The following MGAT4C variants were observed in gnomAD, a reference collection of about 807,000 sequenced individuals.
MGAT4C encodes the protein alpha-1,3-mannosyl-glycoprotein 4-beta-N-acetylglucosaminyltransferase C.
Under a neutral mutation model 40.1 loss-of-function variants are expected in MGAT4C, and 19 were observed. The observed-to-expected ratio is 0.47, with a 90% CI of 0.33 to 0.70. MGAT4C has a LOEUF of 0.70. Ranked by LOEUF, MGAT4C falls within the 30% of genes least tolerant of loss-of-function variation. The pLI is 0.02. For missense variants in MGAT4C, 491 were observed against 563.2 expected, an observed-to-expected ratio of 0.87 and a Z score of 1.30; for synonymous variants, 181 against 187.1, an observed-to-expected ratio of 0.97 and a Z score of 0.27.
At chr12:86,556,508 GT>G (rs141110132) in intron 2 of MGAT4C, among the ~76,000 whole-genome samples, 4,715 of 152,118 alleles carry the variant, frequency 0.031, 125 homozygotes, top group African/African-American at 0.074. Flanking sequence ...AATGTTTAGG[GT>G]TTTTGTGTAA....
intron 2 of MGAT4C, among the ~76,000 whole-genome samples, chr12:86,612,481 G>A (rs1019255818): frequency 2.0e-5 from 3 of 152,058 alleles, no homozygotes; most frequent in Admixed American, 1.3e-4. Flanking sequence ...CAGGCGCGGT[G>A]GCTCAAGCCT....
At chr12:86,576,090 G>A (rs1246174781) in intron 2 of MGAT4C, among the ~76,000 whole-genome samples, 3 of 151,890 alleles carry the variant, frequency 2.0e-5, no homozygotes, top group Non-Finnish European at 4.4e-5. Context: ...TTGATGCTAA[G>A]CATCTTTTTA....
intron 1 of MGAT4C, among the ~76,000 whole-genome samples, chr12:86,820,791 A>G (rs1420916016): frequency 6.6e-6 from 1 of 150,842 alleles, no homozygotes; most frequent in East Asian, 1.9e-4. Context: ...GAGGAAATAG[A>G]TATATAATGT....
chr12:86,445,014 G>T (rs916397747), intron 2 of MGAT4C, among the ~76,000 whole-genome samples: 1 of 152,150 alleles, frequency 6.6e-6, no homozygotes, highest in Non-Finnish European at 1.5e-5. Context: ...CTGTTGCCTG[G>T]GAACCAGAAA....
intron 2 of MGAT4C, among the ~76,000 whole-genome samples, chr12:86,664,826 A>G (rs1964064985): frequency 6.6e-6 from 1 of 152,200 alleles, no homozygotes; most frequent in Non-Finnish European, 1.5e-5. Context: ...TTGACATTTT[A>G]GTTAACTGTA....
At chr12:86,634,717 C>T (rs994618876) in intron 2 of MGAT4C, among the ~76,000 whole-genome samples, 2 of 152,084 alleles carry the variant, frequency 1.3e-5, no homozygotes, top group Admixed American at 1.3e-4. Flanking sequence ...CACGGGTCTT[C>T]TATTAATAAG....
chr12:86,292,646 C>T (rs1040884669), intron 4 of MGAT4C, among the ~76,000 whole-genome samples: 3 of 152,222 alleles, frequency 2.0e-5, no homozygotes, highest in African/African-American at 7.2e-5. Context: ...TAACAGTTTA[C>T]ATCACCCATA....
At chr12:86,041,126 G>A (rs1280087683) in intron 2 of MGAT4C, among the ~76,000 whole-genome samples, 1 of 145,702 alleles carries the variant, frequency 6.9e-6, no homozygotes, top group Non-Finnish European at 1.5e-5. Context: ...TTCTTATTCA[G>A]CCATCTTGCC....
At chr12:86,321,881 C>G (rs746612324) in intron 4 of MGAT4C, among the ~76,000 whole-genome samples, 1 of 151,988 alleles carries the variant, frequency 6.6e-6, no homozygotes, top group Non-Finnish European at 1.5e-5. Context: ...GGGTATATAC[C>G]CAAAGGATTA....
chr12:86,747,785 A>G (rs1165302754), intron 1 of MGAT4C, among the ~76,000 whole-genome samples: 1 of 151,400 alleles, frequency 6.6e-6, no homozygotes, highest in Non-Finnish European at 1.5e-5. Context: ...TTTTTTTTAA[A>G]AAAAAGCTGG....
At chr12:86,658,106 T>C (rs1963893676) in intron 2 of MGAT4C, among the ~76,000 whole-genome samples, 1 of 152,016 alleles carries the variant, frequency 6.6e-6, no homozygotes, top group Non-Finnish European at 1.5e-5. Context: ...AAATATGAGA[T>C]ATATGCATGC....
rs141530377 is a variant in MGAT4C, at chr12:86,249,383, C to T, written c.-57+6856G>A. On this transcript the variant is annotated intron_variant, in intron 1 of 4. Coordinates refer to ENST00000611864, the MANE Select transcript of MGAT4C (RefSeq NM_001351288.2). ...AGATTGATATACCTAGTAAAGTTAG[C>T]GGAAATTAATGAAGTAGAATGTGTT... 7.6e-3 allele frequency among the ~76,000 whole-genome samples: 1,158 copies of T among 152,200 alleles called. 8 individuals carry two copies. The highest frequency in any genetic ancestry group is 0.011 in the Non-Finnish European group (731 of 68,010).
At chr12:86,061,463 GTTTTT>G (rs1435779908) in intron 1 of MGAT4C, among the ~76,000 whole-genome samples, 1 of 98,438 alleles carries the variant, frequency 1.0e-5, no homozygotes, top group Admixed American at 1.2e-4. Context: ...AACTGCAGGA[GTTTTT>G]TTTTTGTTTT....
chr12:86,784,281 TC>T (rs1437981789), intron 1 of MGAT4C, among the ~76,000 whole-genome samples: 10 of 152,100 alleles, frequency 6.6e-5, no homozygotes, highest in Admixed American at 6.6e-4. Context: ...ATGCATGATT[TC>T]TGTGACTAGA....
chr12:86,732,880 G>A (rs1950933162), intron 1 of MGAT4C, among the ~76,000 whole-genome samples: 1 of 149,364 alleles, frequency 6.7e-6, no homozygotes, highest in South Asian at 2.1e-4. Context: ...CCATACTGCA[G>A]AAAGGTGTTT....
chr12:86,764,280 T>A (rs1317314265), intron 1 of MGAT4C, among the ~76,000 whole-genome samples: 4 of 151,948 alleles, frequency 2.6e-5, no homozygotes, highest in Non-Finnish European at 5.9e-5. Flanking sequence ...CAGTCTGAGA[T>A]CAAACTGCAA....
chr12:86,069,409 A>G (rs1319182764), intron 1 of MGAT4C, among the ~76,000 whole-genome samples: 4 of 152,140 alleles, frequency 2.6e-5, no homozygotes, highest in Non-Finnish European at 5.9e-5. Flanking sequence ...CCAAGCTAAC[A>G]GTAAATTAAA....
intron 3 of MGAT4C, among the ~76,000 whole-genome samples, chr12:86,362,775 G>A (rs548524650): frequency 6.7e-6 from 1 of 149,494 alleles, no homozygotes; most frequent in Non-Finnish European, 1.5e-5. Flanking sequence ...GCTGAGGCAG[G>A]AGAGTGGCGT....
chr12:86,659,207 A>G (rs562914483), intron 2 of MGAT4C, among the ~76,000 whole-genome samples: 8 of 151,944 alleles, frequency 5.3e-5, no homozygotes, highest in Non-Finnish European at 1.2e-4. Context: ...TATATTTATT[A>G]TCTTTCTTCA....
Sources: allele counts gnomAD v4.1 joint callset (sites outside exome capture counted in the v4.1 genomes callset), GRCh38; gene constraint gnomAD v4.1.1; transcripts MANE v1.5; gene names NCBI Gene and HGNC (gene_info 2026-07-23, HGNC 2026-07-21).